The following CERS1 variants were observed in gnomAD, a reference collection of about 807,000 sequenced individuals.
CERS1 encodes ceramide synthase 1, also known as Embryonic growth/differentiation factor 1.
CERS1 carries 16 observed loss-of-function variants against 35.7 expected under a neutral mutation model. The observed-to-expected ratio is 0.45, with a 90% CI of 0.30 to 0.68. The LOEUF (loss-of-function observed/expected upper bound fraction) is 0.68. CERS1 is among the 30% of genes least tolerant of loss of function. The pLI is 0.08. For synonymous variants in CERS1, 243 were observed against 201.6 expected (o/e 1.21, Z -1.74); for missense variants, 454 against 453.9 (o/e 1.00, Z 0.00).
intron 3 of CERS1, among the ~76,000 whole-genome samples, chr19:18,881,319 A>G (rs980553625): frequency 2.6e-5 from 4 of 151,284 alleles, no homozygotes; most frequent in Non-Finnish European, 5.9e-5. Flanking sequence ...TCCCGGGTTC[A>G]AGCAATTCTC....
At chr19:18,891,279 T>C (rs2056484498) in intron 2 of CERS1, among the ~76,000 whole-genome samples, 1 of 152,172 alleles carries the variant, frequency 6.6e-6, no homozygotes, top group Non-Finnish European at 1.5e-5. Context: ...CTGGGCTCCG[T>C]GCCACCAGGA....
Position 18,878,147 on chromosome 19 carries a change from G to C in CERS1, c.1010+783C>G. The C allele has an allele frequency of 1.0e-6, 1 of 985,552 alleles. No individual in the cohort carries two copies. Among genetic ancestry groups the C allele is most frequent in the Non-Finnish European group, 1.2e-6 (1 of 830,046 alleles). The allele number at this position is 985,552 out of a possible 1,614,324, so 61.1% of individuals were successfully genotyped here. On this transcript the variant is annotated intron_variant, in intron 6 of 7. Transcript: ENST00000623882. The surrounding 1 kb of genome is among the most constrained non-coding windows in gnomAD (Gnocchi z 4.6). ...CCGATGGCCCCCACCGGCCAAATCA[G>C]AGGGCCTGGCTGGTCGGCACCTTCC...
chr19:18,884,417 A>ATT (rs11297387), intron 2 of CERS1, 150 bp from the exon 3 acceptor site: 817 of 560,402 alleles, frequency 1.5e-3, no homozygotes, highest in Non-Finnish European at 1.7e-3. Flanking sequence ...TCCCAATTCT[A>ATT]TTTTTTTTTT....
Position 18,879,405 on chromosome 19 carries a change from C to G in CERS1, c.753-17G>C. 6.4e-7 allele frequency: 1 copy of G among 1,553,864 alleles called. No individual in the cohort carries two copies. Among genetic ancestry groups the G allele is most frequent in the South Asian group, 1.2e-5 (1 of 84,250 alleles). ...AACCAGAACCTGCGGTGGGAGGAGTCAGGAGGCCGTGGGTGGAGGGGGACG... is the reference window on the plus strand; with the variant it reads ...AACCAGAACCTGCGGTGGGAGGAGTGAGGAGGCCGTGGGTGGAGGGGGACG... On this transcript the variant is annotated splice_polypyrimidine_tract_variant and intron_variant, in intron 4 of 7. Transcript: ENST00000623882.
chr19:18,876,765 A>G (rs1388345655), intron 6 of CERS1, among the ~76,000 whole-genome samples: 2 of 152,164 alleles, frequency 1.3e-5, no homozygotes, highest in African/African-American at 2.4e-5. Flanking sequence ...ACCTCCATCC[A>G]GCTCCCCTGA....
At chr19:18,869,544 G>T (rs1373928795) in intron 7 of CERS1, among the ~76,000 whole-genome samples, 154 bp from the exon 8 acceptor site, 1 of 151,050 alleles carries the variant, frequency 6.6e-6, no homozygotes, top group East Asian at 2.0e-4. Context: ...ATGGAGTGGG[G>T]GCAGGGCATG....
intron 1 of CERS1, among the ~76,000 whole-genome samples, chr19:18,894,423 A>G (rs1372996061): frequency 6.6e-6 from 1 of 152,106 alleles, no homozygotes; most frequent in Non-Finnish European, 1.5e-5. Flanking sequence ...TGCTGCCAAG[A>G]AGATCAGCTT....
Position 18,895,442 on chromosome 19 carries a change from G to A in CERS1, c.249+382C>T, listed in dbSNP as rs2056601775. Among the ~76,000 whole-genome samples, 1 of 152,086 alleles carries A rather than the reference G, an allele frequency of 6.6e-6. No homozygotes were observed. Among genetic ancestry groups the A allele is most frequent in the Non-Finnish European group, 1.5e-5 (1 of 67,988 alleles). On this transcript the variant is annotated intron_variant, in intron 1 of 7. Transcript: ENST00000623882. This position sits in a 1 kb window ranked among gnomAD's most constrained non-coding sequence, Gnocchi z 6.4. ...GGCCCTGCCGGAAAGAGCGCGCGGT[G>A]GCCGGAGCCATCCACCGCGCGGGGC... is the stretch of plus-strand genomic sequence containing the variant.
At chr19:18,884,415 C>CT in intron 2 of CERS1, 148 bp from the exon 3 acceptor site, 5 of 695,432 alleles carry the variant, frequency 7.2e-6, no homozygotes, top group South Asian at 2.3e-5. Context: ...ATTCCCAATT[C>CT]TATTTTTTTT....
intron 1 of CERS1, 121 bp from the exon 2 acceptor site, chr19:18,893,696 C>T: frequency 1.0e-6 from 1 of 977,876 alleles, no homozygotes; most frequent in Non-Finnish European, 1.5e-6. Flanking sequence ...AGGCCTGTCC[C>T]CCATGCCCAC....
chr19:18,896,933 G>T (rs545275914), upstream of CERS1, among the ~76,000 whole-genome samples: 3 of 151,816 alleles, frequency 2.0e-5, no homozygotes, highest in Non-Finnish European at 4.4e-5. The surrounding 1 kb of genome is among the most constrained non-coding windows in gnomAD (Gnocchi z 5.9). Context: ...CCGGGGGGGG[G>T]GCTCCCCAAC....
At chr19:18,885,501 GCC>G (rs1439557603) in intron 2 of CERS1, among the ~76,000 whole-genome samples, 5 of 136,264 alleles carry the variant, frequency 3.7e-5, no homozygotes, top group Non-Finnish European at 6.1e-5. Flanking sequence ...CCAGCCCAGC[GCC>G]CCTTCTCGTT....
At chr19:18,869,432 C>T (rs1164393829) in intron 7 of CERS1, 42 bp from the exon 8 acceptor site, 5 of 1,519,720 alleles carry the variant, frequency 3.3e-6, no homozygotes, top group African/African-American at 1.4e-5. Flanking sequence ...GCTGCGTCCC[C>T]GGCCTGCCCA....
Position 18,893,526 on chromosome 19 carries a change from G to C in CERS1, c.299C>G (p.Pro100Arg), listed in dbSNP as rs1363953972. 6.2e-7 allele frequency: 1 copy of C among 1,610,952 alleles called. No homozygotes were observed. The highest frequency in any genetic ancestry group is 8.5e-7 in the Non-Finnish European group (1 of 1,178,904). Reference sequence around the variant, plus strand: ...GAAGAGAAACTTCCAAGCGCTCTCGGGCATCTTGGCGGCATCTCTGGGCTG... The same window carrying C: ...GAAGAGAAACTTCCAAGCGCTCTCGCGCATCTTGGCGGCATCTCTGGGCTG... ...CLQPRDAAKM[P>R]ESAWKFLFYL... is the part of the protein sequence containing the mutation. Residue 100 changes from proline (P) to arginine (R), a missense_variant, in exon 2 of 8, where the codon CCC (proline) becomes CGC (arginine). Coordinates refer to ENST00000623882, the MANE Select transcript of CERS1 (RefSeq NM_021267.5).
chr19:18,893,226 T>C (rs1039327805), intron 2 of CERS1, among the ~76,000 whole-genome samples, 190 bp downstream of exon 2: 3 of 145,510 alleles, frequency 2.1e-5, no homozygotes, highest in African/African-American at 5.1e-5. Context: ...TTTTTCTTTT[T>C]TGATACAAGA....
intron 2 of CERS1, among the ~76,000 whole-genome samples, chr19:18,891,036 A>C (rs2056477694): frequency 6.6e-6 from 1 of 151,972 alleles, no homozygotes; most frequent in African/African-American, 2.4e-5. Context: ...AGGCAGGAGA[A>C]TCGCTTGAAC....
rs1388087331 is a variant in CERS1, at chr19:18,891,073, G to A, written c.409+2343C>T. On this transcript the variant is annotated intron_variant, in intron 2 of 7. Transcript: ENST00000623882. ...TGGGAGGTGGAGATTGCAGTGAGCC[G>A]AGATCGTGCCATTGCACTCCAGACT... 1.3e-4 allele frequency among the ~76,000 whole-genome samples: 19 copies of A among 151,570 alleles called. No individual in the cohort carries two copies. The South Asian group carries it at 1.7e-3, about 13-fold the overall frequency.
In CERS1 at chr19:18,870,326, C is replaced by T. The variant is rs947598714; in HGVS notation, c.*251G>A. ...GTGGCATCTTCCTCCCAGGCGATGA[C>T]CAGAGAGTGCGCAGGGTCCGCGGCG... On this transcript the variant is annotated 3_prime_UTR_variant, in exon 7 of 8. Transcript: ENST00000623882. This position sits in a 1 kb window ranked among gnomAD's most constrained non-coding sequence, Gnocchi z 5.1. 7.8e-6 allele frequency: 12 copies of T among 1,544,542 alleles called. No homozygotes were observed. The highest frequency in any genetic ancestry group is 1.0e-5 in the Non-Finnish European group (12 of 1,146,210).
At chr19:18,877,573 G>A (rs748301071) in intron 6 of CERS1, among the ~76,000 whole-genome samples, 13 of 152,042 alleles carry the variant, frequency 8.6e-5, no homozygotes, top group African/African-American at 2.9e-4. Context: ...GCAACATGAG[G>A]AAACCCCAGC....
Sources: gnomAD v4.1 joint callset for allele counts (sites outside exome capture counted in the v4.1 genomes callset) on GRCh38, gnomAD v4.1.1 for gene constraint, Gnocchi (gnomAD v3.1) non-coding constraint, MANE v1.5 for transcripts, NCBI Gene and HGNC (gene_info 2026-07-23, HGNC 2026-07-21) for gene names.